The following NHSL1 variants were observed in gnomAD, a reference collection of about 807,000 sequenced individuals.
The protein encoded by NHSL1 is NHS like 1, also known as NHS-like protein 1.
NHSL1 carries 48 observed loss-of-function variants against 95.0 expected under a neutral mutation model. The observed-to-expected ratio is 0.51, with a 90% confidence interval of 0.40 to 0.64. The LOEUF (loss-of-function observed/expected upper bound fraction) is 0.64. Ranked by LOEUF, NHSL1 falls within the 30% of genes least tolerant of loss-of-function variation. NHSL1 has a pLI of 0.00. For missense variants in NHSL1, 1,971 were observed against 2,077.7 expected (o/e 0.95, Z 1.00); for synonymous variants, 783 against 833.9 (o/e 0.94, Z 1.05).
In NHSL1 at chr6:138,605,207, G is replaced by A. The variant is rs114100756; in HGVS notation, c.96+87269C>T. Among the ~76,000 whole-genome samples, 497 of 151,974 alleles carry A rather than the reference G, an allele frequency of 3.3e-3. 3 individuals carry two copies. The highest frequency in any genetic ancestry group is 0.011 in the African/African-American group (450 of 41,440). ...CCTGACTTGGATTTCACCATTTTTCGCATGTACTCATCTAACTACCTTTTT... is the reference window on the plus strand; with the variant it reads ...CCTGACTTGGATTTCACCATTTTTCACATGTACTCATCTAACTACCTTTTT... On this transcript the variant is annotated intron_variant, in intron 1 of 3. Transcript: ENST00000491526.
chr6:138,465,055 A>G (rs1219362141), intron 3 of NHSL1, among the ~76,000 whole-genome samples: 3 of 67,510 alleles, frequency 4.4e-5, no homozygotes, highest in Admixed American at 2.1e-4. Flanking sequence ...GTATGCCTTC[A>G]AAAAAAAAAA....
intron 1 of NHSL1, among the ~76,000 whole-genome samples, chr6:138,511,203 A>C (rs1781206864): frequency 6.6e-6 from 1 of 152,236 alleles, no homozygotes; most frequent in Non-Finnish European, 1.5e-5. Flanking sequence ...ATCTTAGCAA[A>C]TAAAATCATA....
chr6:138,494,101 C>G (rs1780218639), intron 2 of NHSL1, among the ~76,000 whole-genome samples: 1 of 152,206 alleles, frequency 6.6e-6, no homozygotes, highest in Non-Finnish European at 1.5e-5. Context: ...AATGTCTGCA[C>G]AGTTCTGTTC....
At chr6:138,434,901 A>C (rs191036935) in intron 5 of NHSL1, among the ~76,000 whole-genome samples, 1 of 152,180 alleles carries the variant, frequency 6.6e-6, no homozygotes, top group Admixed American at 6.5e-5. Flanking sequence ...GCTTGTATCA[A>C]CCTCAAAGGA....
chr6:138,516,206 A>C (rs1260202473), intron 1 of NHSL1, among the ~76,000 whole-genome samples: 4 of 152,172 alleles, frequency 2.6e-5, no homozygotes, highest in Admixed American at 2.6e-4. Context: ...CAAGGCATGT[A>C]GTGATCATTT....
intron 5 of NHSL1, among the ~76,000 whole-genome samples, chr6:138,434,653 C>G (rs1184784380): frequency 6.6e-6 from 1 of 152,154 alleles, no homozygotes; most frequent in Non-Finnish European, 1.5e-5. Flanking sequence ...ATAGTTCTCC[C>G]TATGTTATCT....
intron 1 of NHSL1, among the ~76,000 whole-genome samples, chr6:138,636,478 C>A (rs983760027): frequency 2.0e-5 from 3 of 152,128 alleles, no homozygotes; most frequent in Admixed American, 2.0e-4. Context: ...GTCAAATTCT[C>A]CTTGTTTGCA....
chr6:138,578,815 T>A (rs1490144356), intron 1 of NHSL1, among the ~76,000 whole-genome samples: 2 of 152,132 alleles, frequency 1.3e-5, no homozygotes, highest in Non-Finnish European at 2.9e-5. Context: ...AGCGCCCAAG[T>A]GATGCTAGTG....
intron 1 of NHSL1, among the ~76,000 whole-genome samples, chr6:138,646,476 G>A (rs75452693): frequency 0.046 from 6,944 of 151,974 alleles, 220 homozygotes; most frequent in South Asian, 0.075. Flanking sequence ...CTGCCTGAGC[G>A]GCAGAGCAAG....
At position 138,688,036 on chromosome 6, in the gene NHSL1, C is replaced by T. The variant is rs980604535; in HGVS notation, c.96+4440G>A. 3.9e-5 allele frequency among the ~76,000 whole-genome samples: 6 copies of T among 152,228 alleles called. No individual in the cohort carries two copies. In the South Asian group the frequency reaches 1.0e-3, roughly 26 times the overall value. On this transcript the variant is annotated intron_variant, in intron 1 of 3. Transcript: ENST00000491526. ...GCGCCATCTCGGGTCACTACAATATCCACCTCCTGGGTTCAAGTCATTCTC... is the reference window on the plus strand; with the variant it reads ...GCGCCATCTCGGGTCACTACAATATTCACCTCCTGGGTTCAAGTCATTCTC...
chr6:138,553,789 A>G (rs940956183), intron 1 of NHSL1, among the ~76,000 whole-genome samples: 5 of 152,348 alleles, frequency 3.3e-5, no homozygotes, highest in South Asian at 4.1e-4. Context: ...TTTATAAACT[A>G]TCATTTCCTT....
intron 4 of NHSL1, among the ~76,000 whole-genome samples, chr6:138,443,721 T>A (rs1776677968): frequency 6.6e-6 from 1 of 152,160 alleles, no homozygotes; most frequent in Admixed American, 6.6e-5. Context: ...TCCCACCTAC[T>A]CAGGAGGCTG....
intron 1 of NHSL1, chr6:138,571,659 T>A: frequency 6.6e-7 from 1 of 1,518,238 alleles, no homozygotes; most frequent in Non-Finnish European, 8.9e-7. Flanking sequence ...AACAAAGAAT[T>A]CTACATAACA....
chr6:138,557,875 C>T (rs1783250853), intron 1 of NHSL1, among the ~76,000 whole-genome samples: 1 of 152,182 alleles, frequency 6.6e-6, no homozygotes, highest in African/African-American at 2.4e-5. Flanking sequence ...TGAAAAAAGA[C>T]CATGCATGAC....
intron 1 of NHSL1, among the ~76,000 whole-genome samples, chr6:138,521,374 G>A (rs1018424892): frequency 2.6e-5 from 4 of 152,134 alleles, no homozygotes; most frequent in African/African-American, 9.7e-5. Context: ...GTTGAAGCGG[G>A]AAGACCCCTT....
intron 3 of NHSL1, among the ~76,000 whole-genome samples, chr6:138,463,729 T>C (rs551696374): frequency 8.5e-4 from 130 of 152,050 alleles, no homozygotes; most frequent in Middle Eastern, 3.4e-3. Flanking sequence ...GTGTGTGATG[T>C]TCCCCTCCCT....
intron 3 of NHSL1, among the ~76,000 whole-genome samples, chr6:138,461,847 T>C (rs1279121838): frequency 6.6e-6 from 1 of 152,218 alleles, no homozygotes; most frequent in African/African-American, 2.4e-5. Flanking sequence ...ATGGTTATGA[T>C]GCAATCAAGA....
At chr6:138,603,779 G>A (rs991839516) in intron 1 of NHSL1, among the ~76,000 whole-genome samples, 1 of 152,206 alleles carries the variant, frequency 6.6e-6, no homozygotes, top group Admixed American at 6.5e-5. Context: ...ATGTATAGTT[G>A]CAGGGCAATG....
chr6:138,450,052 C>T (rs367562322), intron 3 of NHSL1, among the ~76,000 whole-genome samples: 2 of 152,192 alleles, frequency 1.3e-5, no homozygotes, highest in Admixed American at 6.5e-5. Context: ...AAAACTCACA[C>T]AGATCCTTAA....
Sources: gnomAD v4.1 joint callset for allele counts (sites outside exome capture counted in the v4.1 genomes callset) on GRCh38, gnomAD v4.1.1 for gene constraint, MANE v1.5 for transcripts, NCBI Gene and HGNC (gene_info 2026-07-23, HGNC 2026-07-21) for gene names.